The following UBE2E1 variants were observed in gnomAD, a reference collection of about 807,000 sequenced individuals.
UBE2E1 encodes ubiquitin conjugating enzyme E2 E1.
UBE2E1 carries 6 observed loss-of-function variants against 21.4 expected under a neutral mutation model. The ratio of observed to expected loss-of-function variants is 0.28; its 90% CI spans 0.15 to 0.55. The LOEUF is 0.55. Ranked by LOEUF, UBE2E1 falls within the 20% of genes least tolerant of loss-of-function variation. The pLI, the probability that UBE2E1 is intolerant of heterozygous loss-of-function variation, is 0.93. For missense variants in UBE2E1, 142 were observed against 236.5 expected, an observed-to-expected ratio of 0.60 and a Z score of 2.62; for synonymous variants, 87 against 82.7, an observed-to-expected ratio of 1.05 and a Z score of -0.28.
At position 23,886,691 on chromosome 3, in the gene UBE2E1, C is replaced by G. The variant is rs958583652; in HGVS notation, c.204-876C>G. On this transcript the variant is annotated intron_variant, in intron 3 of 5. Transcript: ENST00000306627. ...AAATGAAGGCATCAGACTTTGTAACCAGTTAGCAGAGGGCATCTTGAAGGA... is the reference window on the plus strand; with the variant it reads ...AAATGAAGGCATCAGACTTTGTAACGAGTTAGCAGAGGGCATCTTGAAGGA... Among the ~76,000 whole-genome samples, 5 of 152,204 alleles carry G rather than the reference C, an allele frequency of 3.3e-5. No homozygotes were observed. In the South Asian group the frequency reaches 1.0e-3, roughly 31 times the overall value.
intron 3 of UBE2E1, among the ~76,000 whole-genome samples, chr3:23,881,453 C>G (rs1457825197): frequency 6.6e-6 from 1 of 152,196 alleles, no homozygotes; most frequent in Non-Finnish European, 1.5e-5. Flanking sequence ...TACATCCTCT[C>G]ATGCAGAGGT....
intron 3 of UBE2E1, among the ~76,000 whole-genome samples, chr3:23,857,235 T>C (rs1167565806): frequency 1.3e-5 from 2 of 151,916 alleles, no homozygotes; most frequent in East Asian, 1.9e-4. Context: ...GAGTATGTTT[T>C]AGAGTCTGGT....
intron 3 of UBE2E1, among the ~76,000 whole-genome samples, chr3:23,861,899 C>A (rs1182460751): frequency 6.6e-6 from 1 of 152,348 alleles, no homozygotes; most frequent in East Asian, 1.9e-4. Context: ...TTCTGGTATG[C>A]CAAAGCCAGG....
intron 3 of UBE2E1, among the ~76,000 whole-genome samples, chr3:23,828,090 C>T (rs748207828): frequency 5.9e-5 from 9 of 152,120 alleles, no homozygotes; most frequent in South Asian, 2.1e-4. Flanking sequence ...CATTGAGTTA[C>T]GGTCATTTGT....
chr3:23,882,486 C>A (rs551834952), intron 3 of UBE2E1, among the ~76,000 whole-genome samples: 1 of 152,242 alleles, frequency 6.6e-6, no homozygotes. Flanking sequence ...GATCCTGTGC[C>A]GGGGCTGCGG....
Position 23,870,151 on chromosome 3 carries a change from T to G in UBE2E1, c.204-17416T>G, listed in dbSNP as rs980571326. On this transcript the variant is annotated intron_variant, in intron 3 of 5. Coordinates refer to ENST00000306627, the MANE Select transcript of UBE2E1 (RefSeq NM_003341.5). This position sits in a 1 kb window ranked among gnomAD's most constrained non-coding sequence, Gnocchi z 4.2. ...GGGCTTCTTGGCTAATTCTCATTCTTGATGTGGTCTCTTCACACGGTCTCT... is the reference window on the plus strand; with the variant it reads ...GGGCTTCTTGGCTAATTCTCATTCTGGATGTGGTCTCTTCACACGGTCTCT... Among the ~76,000 whole-genome samples, 2 of 152,168 alleles carry G rather than the reference T, an allele frequency of 1.3e-5. No individual in the cohort carries two copies. The highest frequency in any genetic ancestry group is 4.8e-5 in the African/African-American group (2 of 41,444).
chr3:23,865,806 G>A (rs974259343), intron 3 of UBE2E1, among the ~76,000 whole-genome samples: 1 of 152,160 alleles, frequency 6.6e-6, no homozygotes, highest in Non-Finnish European at 1.5e-5. Flanking sequence ...AGCCAGTTTC[G>A]TGCCTGACCA....
chr3:23,868,961 A>G (rs1010909655), intron 3 of UBE2E1, among the ~76,000 whole-genome samples: 9 of 152,182 alleles, frequency 5.9e-5, no homozygotes, highest in South Asian at 2.1e-4. Context: ...TTGTACTCCA[A>G]TGAACCTATC....
At chr3:23,811,402 G>A (rs1699388927) in intron 2 of UBE2E1, 58 bp from the exon 3 acceptor site, 2 of 1,558,124 alleles carry the variant, frequency 1.3e-6, no homozygotes, top group Admixed American at 1.7e-5. Context: ...GCTACAGGTG[G>A]GAGGCTTCCG....
chr3:23,866,782 A>G (rs1462320736), intron 3 of UBE2E1, among the ~76,000 whole-genome samples: 1 of 152,246 alleles, frequency 6.6e-6, no homozygotes, highest in Non-Finnish European at 1.5e-5. Flanking sequence ...AGAAATTTAA[A>G]TAACACCTTT....
chr3:23,862,846 C>G (rs928553527), intron 3 of UBE2E1, among the ~76,000 whole-genome samples: 1 of 152,140 alleles, frequency 6.6e-6, no homozygotes, highest in African/African-American at 2.4e-5. Flanking sequence ...CCACCTCAGC[C>G]TTCCAAGTAG....
chr3:23,828,548 A>T (rs1699801373), intron 3 of UBE2E1, among the ~76,000 whole-genome samples: 1 of 152,224 alleles, frequency 6.6e-6, no homozygotes, highest in Admixed American at 6.5e-5. Context: ...GATAGAAGTT[A>T]CTTTTGCAAT....
intron 3 of UBE2E1, among the ~76,000 whole-genome samples, chr3:23,880,382 TTAAAAA>T (rs1159855453): frequency 2.0e-5 from 3 of 152,112 alleles, no homozygotes; most frequent in Admixed American, 1.3e-4. Context: ...AAGCTCTGTC[TTAAAAA>T]TAATAATAAT....
At chr3:23,883,743 C>T (rs899348675) in intron 3 of UBE2E1, among the ~76,000 whole-genome samples, 4 of 151,842 alleles carry the variant, frequency 2.6e-5, no homozygotes, top group African/African-American at 9.7e-5. Flanking sequence ...TGGTGAAACC[C>T]CAGCTCTACT....
At chr3:23,860,392 C>G (rs1700528601) in intron 3 of UBE2E1, among the ~76,000 whole-genome samples, 1 of 152,166 alleles carries the variant, frequency 6.6e-6, no homozygotes, top group African/African-American at 2.4e-5. Flanking sequence ...TTGTGGGGCT[C>G]ATTGTTAATG....
rs1386914829 is a variant in UBE2E1 at position 23,876,223 on chromosome 3, A to T, written c.204-11344A>T. Among the ~76,000 whole-genome samples, 1 of 152,108 alleles carries T rather than the reference A, an allele frequency of 6.6e-6. No individual in the cohort carries two copies. The highest frequency in any genetic ancestry group is 1.5e-5 in the Non-Finnish European group (1 of 68,022). On this transcript the variant is annotated intron_variant, in intron 3 of 5. Coordinates refer to ENST00000306627, the MANE Select transcript of UBE2E1 (RefSeq NM_003341.5). This position sits in a 1 kb window ranked among gnomAD's most constrained non-coding sequence, Gnocchi z 4.3. ...CTTCCTTTCCTCTTCCCCTCACCTT[A>T]GGTGAGGAAGCCTTCTAACTTAGTT...
chr3:23,876,087 G>GT lies in UBE2E1; in HGVS notation c.204-11479dup, dbSNP rs1700908689. On this transcript the variant is annotated intron_variant, in intron 3 of 5. Transcript: ENST00000306627. The surrounding 1 kb of genome is among the most constrained non-coding windows in gnomAD (Gnocchi z 4.3). The stretch of plus-strand genomic sequence containing the variant: ...TGCCCAGCCAAATATGTGAATTCTT[G>GT]TGTGTGGGTACTAGTTTTTCTGGGG... Among the ~76,000 whole-genome samples the GT allele has an allele frequency of 2.0e-5, 3 of 152,144 alleles. No homozygotes were observed. The highest frequency in any genetic ancestry group is 2.0e-4 in the Admixed American group (3 of 15,268).
chr3:23,819,604 G>C (rs755362636), intron 3 of UBE2E1, among the ~76,000 whole-genome samples: 7 of 152,164 alleles, frequency 4.6e-5, no homozygotes, highest in Non-Finnish European at 8.8e-5. Context: ...GTCCGAGAAA[G>C]GGTAGGTAAA....
chr3:23,883,460 T>C (rs1378629435), intron 3 of UBE2E1, among the ~76,000 whole-genome samples: 1 of 152,202 alleles, frequency 6.6e-6, no homozygotes, highest in Non-Finnish European at 1.5e-5. Flanking sequence ...CTGCCCACTT[T>C]GTAGACCAGC....
Sources: allele counts gnomAD v4.1 joint callset (sites outside exome capture counted in the v4.1 genomes callset), GRCh38; gene constraint gnomAD v4.1.1; non-coding constraint Gnocchi (gnomAD v3.1); transcripts MANE v1.5; gene names NCBI Gene and HGNC (gene_info 2026-07-23, HGNC 2026-07-21).